The following QRICH1 variants were observed in gnomAD, a reference collection of about 807,000 sequenced individuals.
QRICH1 encodes glutamine rich 1.
Under a neutral mutation model 87.1 loss-of-function variants are expected in QRICH1, and 16 were observed. The ratio of observed to expected loss-of-function variants is 0.18; its 90% confidence interval spans 0.12 to 0.28. The LOEUF is 0.28. Ranked by LOEUF, QRICH1 falls within the 10% of genes least tolerant of loss-of-function variation. QRICH1 has a pLI of 1.00. For missense variants in QRICH1, 647 were observed against 951.7 expected (o/e 0.68, Z 4.21); for synonymous variants, 367 against 368.4 (o/e 1.00, Z 0.05).
intron 1 of QRICH1, among the ~76,000 whole-genome samples, chr3:49,085,425 G>A (rs2042150324): frequency 6.6e-6 from 1 of 151,844 alleles, no homozygotes; most frequent in Non-Finnish European, 1.5e-5. Context: ...ACGTAATTCT[G>A]GTTGATCATA....
intron 3 of QRICH1, among the ~76,000 whole-genome samples, chr3:49,048,155 G>A (rs1321116762): frequency 1.3e-5 from 2 of 149,832 alleles, no homozygotes; most frequent in African/African-American, 4.9e-5. Flanking sequence ...GGCGGGGAAA[G>A]AGTTTCGCTC....
At chr3:49,069,293 G>A (rs149560803) in intron 2 of QRICH1, among the ~76,000 whole-genome samples, 24 of 150,654 alleles carry the variant, frequency 1.6e-4, no homozygotes, top group Non-Finnish European at 3.0e-4. Flanking sequence ...TAGTAGAGAC[G>A]GGGTTTCACC....
intron 8 of QRICH1, 110 bp from the exon 9 acceptor site, chr3:49,032,383 C>CGGGG: frequency 1.7e-5 from 8 of 479,436 alleles, no homozygotes; most frequent in South Asian, 1.1e-4. Context: ...AATACAGGGT[C>CGGGG]GGGGGAGGGA....
chr3:49,063,626 C>T (rs1267148965), intron 2 of QRICH1, among the ~76,000 whole-genome samples: 1 of 152,048 alleles, frequency 6.6e-6, no homozygotes, highest in Non-Finnish European at 1.5e-5. Context: ...CCTATCTCTA[C>T]AAAAAATTTT....
At chr3:49,033,350 T>C (rs2093254165) in intron 6 of QRICH1, 122 bp from the exon 7 acceptor site, 1 of 516,266 alleles carries the variant, frequency 1.9e-6, no homozygotes, top group Non-Finnish European at 3.1e-6. Context: ...GGACTCTCCC[T>C]AAAGTGTGGC....
chr3:49,042,579 TG>T (rs1408520340), intron 6 of QRICH1, among the ~76,000 whole-genome samples: 6 of 151,820 alleles, frequency 4.0e-5, no homozygotes, highest in African/African-American at 1.4e-4. Context: ...TGAAAAGGTT[TG>T]TTTTTTTTTT....
At chr3:49,053,075 A>G (rs940809327) in intron 3 of QRICH1, among the ~76,000 whole-genome samples, 2 of 152,198 alleles carry the variant, frequency 1.3e-5, no homozygotes, top group Non-Finnish European at 2.9e-5. Context: ...CTGAACCCTC[A>G]GGAACATCAA....
chr3:49,060,854 G>A (rs2093430423), intron 2 of QRICH1, among the ~76,000 whole-genome samples: 1 of 151,952 alleles, frequency 6.6e-6, no homozygotes, highest in Admixed American at 6.6e-5. Flanking sequence ...TGCCTGGCCA[G>A]GTGCATTGGC....
intron 2 of QRICH1, among the ~76,000 whole-genome samples, chr3:49,061,163 AAAAAT>A (rs1184250538): frequency 4.7e-5 from 7 of 147,854 alleles, no homozygotes; most frequent in Admixed American, 6.9e-5. Context: ...AAAAAAAAAA[AAAAAT>A]CTAACACCTA....
At chr3:49,081,811 ATTT>A (rs71077763) in intron 1 of QRICH1, among the ~76,000 whole-genome samples, 1 of 134,664 alleles carries the variant, frequency 7.4e-6, no homozygotes. Context: ...GAAGCCTTCT[ATTT>A]TTTTTTTTTT....
chr3:49,030,107 T>G lies in QRICH1; in HGVS notation c.*345A>C. ...GGAGATTCCCTCCAGGGTCCATCCA[T>G]CATTAATTCCATCTCTCTTGAAGAT... is the stretch of plus-strand genomic sequence containing the variant. On this transcript the variant is annotated 3_prime_UTR_variant, in exon 10 of 10. Transcript: ENST00000395443. 2.6e-6 allele frequency: 1 copy of G among 378,770 alleles called. No individual in the cohort carries two copies. Among genetic ancestry groups the G allele is most frequent in the Admixed American group, 4.2e-5 (1 of 23,914 alleles). The allele number at this position is 378,770 out of a possible 1,614,324, so 23.5% of individuals were successfully genotyped here. A position where few individuals can be genotyped will look rare whatever the true frequency, so the allele number is the denominator to read the frequency against.
At chr3:49,042,581 T>G (rs1027280821) in intron 6 of QRICH1, among the ~76,000 whole-genome samples, 1 of 145,888 alleles carries the variant, frequency 6.9e-6, no homozygotes, top group Admixed American at 6.9e-5. Flanking sequence ...AAAAGGTTTG[T>G]TTTTTTTTTT....
chr3:49,036,181 A>G (rs1441497301), intron 6 of QRICH1, among the ~76,000 whole-genome samples: 2 of 152,194 alleles, frequency 1.3e-5, no homozygotes, highest in Non-Finnish European at 1.5e-5. Context: ...GATAAAAAAA[A>G]CCTAGGTATT....
chr3:49,056,980 T>G lies in QRICH1; in HGVS notation c.1220A>C (p.Gln407Pro), dbSNP rs1196963706. 1 of 1,614,092 alleles carries G rather than the reference T, an allele frequency of 6.2e-7. No individual in the cohort carries two copies. Among genetic ancestry groups the G allele is most frequent in the Non-Finnish European group, 8.5e-7 (1 of 1,180,046 alleles). Reference protein sequence around the residue: ...VAVQAVAGTYQNTAQTVHIWD... With the variant: ...VAVQAVAGTYPNTAQTVHIWD... ...TATATGGACAGTTTGAGCCGTATTC[T>G]GGTACGTGCCTGCCACAGCCTGCAC... The change falls in exon 3 of 10, where the codon CAG becomes CCG. Residue 407 changes from glutamine to proline, a missense_variant. By Grantham distance (76) the Gln-to-Pro change is moderately conservative. Transcript: ENST00000395443.
rs71324936 is a variant in QRICH1, at chr3:49,066,969, C to T, written c.310-9079G>A. ...AGGACAATAGCTTGAACCTGGGGGG[C>T]GGAGGTTGCAGTGAGCCGAGAACAT... On this transcript the variant is annotated intron_variant, in intron 2 of 9. Transcript: ENST00000395443. 1.8e-3 allele frequency among the ~76,000 whole-genome samples: 279 copies of T among 151,648 alleles called. 1 individual carries two copies. Among genetic ancestry groups the T allele is most frequent in the East Asian group, 3.5e-3 (18 of 5,078 alleles).
rs1449705821 is a variant in QRICH1, at chr3:49,057,927, C to A, written c.310-37G>T. Reference sequence around the variant, plus strand: ...AAGATTCATCAGTGAGTGAACCAGGCAGCACTGAAAATCCAGTACCCAAGG... The same window carrying A: ...AAGATTCATCAGTGAGTGAACCAGGAAGCACTGAAAATCCAGTACCCAAGG... On this transcript the variant is annotated intron_variant, in intron 2 of 9. Coordinates refer to ENST00000395443, the MANE Select transcript of QRICH1 (RefSeq NM_198880.3). The surrounding 1 kb of genome is among the most constrained non-coding windows in gnomAD (Gnocchi z 5.4). The A allele has an allele frequency of 6.2e-6, 10 of 1,613,776 alleles. No individual in the cohort carries two copies. Among genetic ancestry groups the A allele is most frequent in the Non-Finnish European group, 8.5e-6 (10 of 1,179,992 alleles).
intron 3 of QRICH1, among the ~76,000 whole-genome samples, chr3:49,053,486 C>CAAAAAAAAA (rs11417565): frequency 8.9e-6 from 1 of 112,916 alleles, no homozygotes. Context: ...CCCCCTGTCT[C>CAAAAAAAAA]AAAAAAAAAA....
At chr3:49,040,050 G>A (rs2106838675) in intron 6 of QRICH1, among the ~76,000 whole-genome samples, 1 of 152,356 alleles carries the variant, frequency 6.6e-6, no homozygotes, top group African/African-American at 2.4e-5. Flanking sequence ...GATAGAGTGA[G>A]ACTCCGTCTC....
chr3:49,075,334 A>G (rs1038244093), intron 2 of QRICH1, among the ~76,000 whole-genome samples: 1 of 150,926 alleles, frequency 6.6e-6, no homozygotes, highest in African/African-American at 2.4e-5. Context: ...GTCCCTCAAA[A>G]AAAAAAAAAA....
Sources: allele counts gnomAD v4.1 joint callset (sites outside exome capture counted in the v4.1 genomes callset), GRCh38; gene constraint gnomAD v4.1.1; non-coding constraint Gnocchi (gnomAD v3.1); transcripts MANE v1.5; gene names NCBI Gene and HGNC (gene_info 2026-07-23, HGNC 2026-07-21).